ZCWPW1: variants seen among roughly 807,000 people sequenced by gnomAD.
The protein encoded by ZCWPW1 is zinc finger CW-type and PWWP domain containing 1.
Under a neutral mutation model 81.3 loss-of-function variants are expected in ZCWPW1, and 56 were observed. That is an observed-to-expected ratio of 0.69 (90% CI 0.56 to 0.86). ZCWPW1 has a LOEUF of 0.86. Among genes scored for constraint, ZCWPW1 ranks in the 40% least tolerant of loss-of-function variants. The pLI, the probability that ZCWPW1 is intolerant of heterozygous loss-of-function variation, is 0.00. For synonymous variants in ZCWPW1, 250 were observed against 273.7 expected (o/e 0.91, Z 0.86); for missense variants, 650 against 769.8 (o/e 0.84, Z 1.84).
At chr7:100,428,445 C>A (rs575612165) in intron 1 of ZCWPW1, 123 bp downstream of exon 1, 1 of 152,414 alleles carries the variant, frequency 6.6e-6, no homozygotes, top group Admixed American at 6.5e-5. Flanking sequence ...TTTTAGGCGG[C>A]GGCCGCGGCG....
chr7:100,416,023 C>A lies in ZCWPW1; in HGVS notation c.706G>T (p.Asp236Tyr), dbSNP rs755321497. The A allele has an allele frequency of 1.2e-6, 2 of 1,614,044 alleles. No homozygotes were observed. The highest frequency in any genetic ancestry group is 2.7e-5 in the African/African-American group (2 of 74,942). Residue 236 changes from aspartate to tyrosine, a missense_variant, in exon 8 of 18, where the codon GAT becomes TAT. By Grantham distance (160) the Asp-to-Tyr change is radical. Coordinates refer to ENST00000684423, the MANE Select transcript of ZCWPW1 (RefSeq NM_001386010.1). ...QEDRLKKTVQ[D>Y]HSQIRDQQKG... ...TGCTGGTCCCTGATCTGAGAATGAT[C>A]CTGAACTGTTTTCTTTAGTCGGTCT...
intron 8 of ZCWPW1, among the ~76,000 whole-genome samples, chr7:100,413,843 C>T (rs1584264461): frequency 6.6e-6 from 1 of 152,068 alleles, no homozygotes; most frequent in East Asian, 1.9e-4. Flanking sequence ...CTCAGCCTCC[C>T]AAAGTGCTAA....
intron 2 of ZCWPW1, among the ~76,000 whole-genome samples, chr7:100,424,146 A>T (rs1291894224): frequency 6.6e-6 from 1 of 152,146 alleles, no homozygotes; most frequent in African/African-American, 2.4e-5. Context: ...TGACAAATAT[A>T]TCTTTTCCTA....
chr7:100,423,147 AG>A (rs756149180), intron 2 of ZCWPW1, among the ~76,000 whole-genome samples: 58 of 152,288 alleles, frequency 3.8e-4, no homozygotes, highest in Non-Finnish European at 5.7e-4. Flanking sequence ...ATGCTAACAG[AG>A]GTTAAGTGGT....
At chr7:100,411,166 A>G (rs1457071475) in intron 8 of ZCWPW1, among the ~76,000 whole-genome samples, 2 of 152,232 alleles carry the variant, frequency 1.3e-5, no homozygotes, top group African/African-American at 2.4e-5. Context: ...CTGATCATAA[A>G]GGATGGCTCC....
chr7:100,426,214 C>G (rs1213770603), intron 1 of ZCWPW1, among the ~76,000 whole-genome samples: 1 of 152,186 alleles, frequency 6.6e-6, no homozygotes, highest in Non-Finnish European at 1.5e-5. Flanking sequence ...TATATTTCAG[C>G]CGGGCGCAGT....
At chr7:100,408,396 A>C in intron 10 of ZCWPW1, 143 bp downstream of exon 10, 1 of 1,185,642 alleles carries the variant, frequency 8.4e-7, no homozygotes, top group Non-Finnish European at 1.2e-6. Flanking sequence ...CAGGCTTGGT[A>C]CTTTATCTTT....
intron 9 of ZCWPW1, 34 bp downstream of exon 9, chr7:100,409,394 A>G: frequency 4.0e-6 from 6 of 1,512,906 alleles, no homozygotes; most frequent in Non-Finnish European, 5.5e-6. Flanking sequence ...AGGAACAATA[A>G]AACATGAATG....
intron 11 of ZCWPW1, 69 bp from the exon 12 acceptor site, chr7:100,406,867 G>A: frequency 7.1e-7 from 1 of 1,411,380 alleles, no homozygotes; most frequent in East Asian, 2.3e-5. Flanking sequence ...AGCCAGAACA[G>A]ATCGGGAGAA....
At chr7:100,417,418 G>C (rs1795485878) in intron 5 of ZCWPW1, 1 of 442,688 alleles carries the variant, frequency 2.3e-6, no homozygotes, top group Non-Finnish European at 4.0e-6. Flanking sequence ...ATAATTTTGT[G>C]TACATAAAAA....
chr7:100,420,708 ACT>A, intron 2 of ZCWPW1, 30 bp from the exon 3 acceptor site: 3 of 1,597,826 alleles, frequency 1.9e-6, no homozygotes, highest in Non-Finnish European at 1.7e-6. Flanking sequence ...AACTGCTATG[ACT>A]CTGATTAAAC....
intron 1 of ZCWPW1, among the ~76,000 whole-genome samples, chr7:100,426,220 G>C (rs574641632): frequency 6.6e-6 from 1 of 152,168 alleles, no homozygotes; most frequent in Non-Finnish European, 1.5e-5. Context: ...TCAGCCGGGC[G>C]CAGTGGCTCA....
chr7:100,419,756 C>T lies in ZCWPW1; in HGVS notation c.156G>A (p.Arg52=). The T allele has an allele frequency of 6.2e-7, 1 of 1,614,108 alleles. No homozygotes were observed. The highest frequency in any genetic ancestry group is 8.5e-7 in the Non-Finnish European group (1 of 1,180,032). ...PGISSPETEA[R]ISLPKASLKK... is the part of the protein sequence containing the mutation. ...TTAAACTGGCCTTTGGCAGGCTTAT[C>T]CTGGCCTCTGTCTCTGGGGAACTGA... Residue 52 remains arginine (R), a synonymous_variant, in exon 4 of 18, where the codon AGG becomes AGA. Transcript: ENST00000684423.
At chr7:100,417,367 T>C (rs1795473981) in intron 5 of ZCWPW1, 184 bp from the exon 6 acceptor site, 1 of 540,450 alleles carries the variant, frequency 1.9e-6, no homozygotes, top group Non-Finnish European at 3.2e-6. Flanking sequence ...CTGCAAGCCT[T>C]TCCAGATCGA....
chr7:100,419,748 A>G lies in ZCWPW1; in HGVS notation c.164T>C (p.Leu55Pro), dbSNP rs746122470. 76 of 1,614,046 alleles carry G rather than the reference A, an allele frequency of 4.7e-5. 1 individual carries two copies. The highest frequency in any genetic ancestry group is 6.2e-5 in the Non-Finnish European group (73 of 1,180,038). The change falls in exon 4 of 18, where the codon CTG (leucine) becomes CCG (proline). Residue 55 changes from leucine (L) to proline (P), a missense_variant. Transcript: ENST00000684423. ...TTTCTTCTTTAAACTGGCCTTTGGC[A>G]GGCTTATCCTGGCCTCTGTCTCTGG... The part of the protein sequence containing the change: ...SSPETEARIS[L>P]PKASLKKKEE...
At chr7:100,415,075 ATTTTTT>A (rs1165297451) in intron 8 of ZCWPW1, among the ~76,000 whole-genome samples, 42 of 74,214 alleles carry the variant, frequency 5.7e-4, no homozygotes, top group African/African-American at 2.3e-3. Flanking sequence ...CTCCGTACCC[ATTTTTT>A]TTTTTTTTTT....
At chr7:100,422,871 C>T (rs1345472294) in intron 2 of ZCWPW1, among the ~76,000 whole-genome samples, 2 of 152,148 alleles carry the variant, frequency 1.3e-5, no homozygotes, top group African/African-American at 2.4e-5. Flanking sequence ...CTTAGGATAA[C>T]GGCCTCCAGC....
At chr7:100,404,821 C>G (rs1314648863) in intron 13 of ZCWPW1, among the ~76,000 whole-genome samples, 192 bp downstream of exon 13, 1 of 152,106 alleles carries the variant, frequency 6.6e-6, no homozygotes, top group Admixed American at 6.5e-5. Context: ...CTATCCTACC[C>G]CCACCAACAG....
At chr7:100,411,464 T>C (rs1358042856) in intron 8 of ZCWPW1, among the ~76,000 whole-genome samples, 1 of 152,030 alleles carries the variant, frequency 6.6e-6, no homozygotes, top group African/African-American at 2.4e-5. Flanking sequence ...AGGCAGGGTT[T>C]CCCCATGTTG....
Sources: allele counts gnomAD v4.1 joint callset (sites outside exome capture counted in the v4.1 genomes callset), GRCh38; gene constraint gnomAD v4.1.1; transcripts MANE v1.5; gene names NCBI Gene and HGNC (gene_info 2026-07-23, HGNC 2026-07-21).